The following POU6F2 variants were observed in gnomAD, a reference collection of about 807,000 sequenced individuals.
The protein encoded by POU6F2 is POU class 6 homeobox 2.
POU6F2 carries 31 observed loss-of-function variants against 71.3 expected under a neutral mutation model. The ratio of observed to expected loss-of-function variants is 0.43; its 90% CI spans 0.33 to 0.59. The LOEUF is 0.59. POU6F2 is among the 20% of genes least tolerant of loss of function. The probability of loss-of-function intolerance (pLI) is 0.04; values close to 1 mark genes in which losing one functional copy is unlikely to be tolerated. For missense variants in POU6F2, 783 were observed against 856.8 expected, an observed-to-expected ratio of 0.91 and a Z score of 1.07; for synonymous variants, 347 against 355.7, an observed-to-expected ratio of 0.98 and a Z score of 0.27.
At chr7:39,257,803 C>T (rs1784054340) in intron 4 of POU6F2, among the ~76,000 whole-genome samples, 1 of 151,218 alleles carries the variant, frequency 6.6e-6, no homozygotes, top group African/African-American at 2.4e-5. Context: ...TTCTGTGTGC[C>T]CATTGAGGCA....
intron 5 of POU6F2, among the ~76,000 whole-genome samples, chr7:39,359,990 A>G (rs140124375): frequency 5.0e-4 from 76 of 152,314 alleles, no homozygotes; most frequent in African/African-American, 1.8e-3. Flanking sequence ...TTTAACTACT[A>G]AGAAGCTGGA....
chr7:39,051,903 C>T (rs889905263), intron 1 of POU6F2, among the ~76,000 whole-genome samples: 1 of 152,098 alleles, frequency 6.6e-6, no homozygotes, highest in African/African-American at 2.4e-5. Context: ...CCTTGTCATG[C>T]ACAATACTGT....
intron 1 of POU6F2, among the ~76,000 whole-genome samples, chr7:39,032,935 A>G (rs1003826979): frequency 1.7e-4 from 26 of 152,126 alleles, no homozygotes; most frequent in African/African-American, 5.8e-4. Flanking sequence ...CGTGGTGAGG[A>G]GTATGGACTC....
chr7:39,139,372 T>G (rs764722699), intron 2 of POU6F2, among the ~76,000 whole-genome samples: 12 of 152,292 alleles, frequency 7.9e-5, no homozygotes, highest in South Asian at 2.1e-4. Flanking sequence ...TTGCTGTTGA[T>G]TTTATGAGTC....
At position 39,053,688 on chromosome 7, in the gene POU6F2, T is replaced by C. The variant is rs115250824; in HGVS notation, c.106-32172T>C. Among the ~76,000 whole-genome samples, 852 of 152,194 alleles carry C rather than the reference T, an allele frequency of 5.6e-3. 6 individuals carry two copies. The highest frequency in any genetic ancestry group is 0.02 in the African/African-American group (825 of 41,526). On this transcript the variant is annotated intron_variant, in intron 1 of 9. Coordinates refer to ENST00000518318, the MANE Select transcript of POU6F2 (RefSeq NM_001370959.1). ...TATTCTTTATCATCAGTTTTACCAC[T>C]CTTCTGGGGGTTTTAGAAACTTTTC...
intron 4 of POU6F2, among the ~76,000 whole-genome samples, chr7:39,300,593 A>C (rs1476036660): frequency 6.6e-6 from 1 of 151,888 alleles, no homozygotes; most frequent in Non-Finnish European, 1.5e-5. Context: ...CAAAGTCTGC[A>C]ATCGAGGTGT....
chr7:39,058,281 C>A (rs373232422), intron 1 of POU6F2, among the ~76,000 whole-genome samples: 34 of 152,242 alleles, frequency 2.2e-4, no homozygotes, highest in African/African-American at 8.2e-4. Flanking sequence ...CCAGTCAATG[C>A]CCCCGGATGA....
At chr7:39,302,414 T>G (rs1373168569) in intron 4 of POU6F2, among the ~76,000 whole-genome samples, 2 of 152,248 alleles carry the variant, frequency 1.3e-5, no homozygotes, top group African/African-American at 2.4e-5. Flanking sequence ...AAGAGTCATT[T>G]GAAGACTAAT....
At chr7:39,359,443 G>A (rs1407936453) in intron 5 of POU6F2, among the ~76,000 whole-genome samples, 1 of 151,764 alleles carries the variant, frequency 6.6e-6, no homozygotes, top group Non-Finnish European at 1.5e-5. Context: ...TACAGTTTGG[G>A]GTTTTCTCTA....
At chr7:39,046,355 G>T (rs1007264198) in intron 1 of POU6F2, among the ~76,000 whole-genome samples, 2 of 151,784 alleles carry the variant, frequency 1.3e-5, no homozygotes, top group Non-Finnish European at 2.9e-5. Context: ...CAAGCACTTT[G>T]TCGGAAATCT....
chr7:39,301,102 A>C (rs1227487654), intron 4 of POU6F2, among the ~76,000 whole-genome samples: 1 of 152,188 alleles, frequency 6.6e-6, no homozygotes, highest in Non-Finnish European at 1.5e-5. Flanking sequence ...AAGGCTATCC[A>C]GATGCTCAAA....
intron 4 of POU6F2, among the ~76,000 whole-genome samples, chr7:39,285,556 A>G (rs1172444113): frequency 6.6e-6 from 1 of 152,242 alleles, no homozygotes; most frequent in African/African-American, 2.4e-5. Context: ...CAATTGCTAC[A>G]TGTTTCTAAA....
intron 6 of POU6F2, among the ~76,000 whole-genome samples, chr7:39,410,115 A>T (rs1171555792): frequency 6.6e-6 from 1 of 152,226 alleles, no homozygotes; most frequent in East Asian, 1.9e-4. Context: ...TGGGAGGCCA[A>T]GGCAGGTGGA....
chr7:39,199,468 G>T (rs919317640), intron 2 of POU6F2, among the ~76,000 whole-genome samples: 1 of 147,362 alleles, frequency 6.8e-6, no homozygotes, highest in Non-Finnish European at 1.5e-5. Context: ...TTCCCTTGGT[G>T]AATGAAAATC....
chr7:39,082,960 C>G (rs547357320), intron 1 of POU6F2, among the ~76,000 whole-genome samples: 2 of 152,208 alleles, frequency 1.3e-5, no homozygotes, highest in East Asian at 3.9e-4. Context: ...GTGAGAGGCA[C>G]TAGTTGGGAA....
At chr7:39,438,026 A>G (rs1788289892) in intron 7 of POU6F2, among the ~76,000 whole-genome samples, 1 of 151,980 alleles carries the variant, frequency 6.6e-6, no homozygotes. Context: ...TACATGTGCC[A>G]TGTTGGTGTG....
intron 5 of POU6F2, among the ~76,000 whole-genome samples, chr7:39,392,821 C>T (rs1156910148): frequency 6.6e-6 from 1 of 152,226 alleles, no homozygotes; most frequent in Non-Finnish European, 1.5e-5. Context: ...TCCTGCACTA[C>T]CAGTTACCTA....
At chr7:39,051,286 T>G (rs1790395419) in intron 1 of POU6F2, among the ~76,000 whole-genome samples, 1 of 152,154 alleles carries the variant, frequency 6.6e-6, no homozygotes. Flanking sequence ...GTGGCATCAC[T>G]GAACACAACC....
chr7:39,063,718 G>T (rs1790702548), intron 1 of POU6F2, among the ~76,000 whole-genome samples: 1 of 151,778 alleles, frequency 6.6e-6, no homozygotes. Context: ...GAGATATCTT[G>T]GTCATTTTTT....
Sources: gnomAD v4.1 joint callset for allele counts (sites outside exome capture counted in the v4.1 genomes callset) on GRCh38, gnomAD v4.1.1 for gene constraint, MANE v1.5 for transcripts, NCBI Gene and HGNC (gene_info 2026-07-23, HGNC 2026-07-21) for gene names.